Variants in PPP1R9A observed in about 807,000 individuals in gnomAD.
PPP1R9A encodes the protein neurabin-1.
PPP1R9A carries 59 observed loss-of-function variants against 141.9 expected under a neutral mutation model. That is an observed-to-expected ratio of 0.42 (90% CI 0.34 to 0.52). PPP1R9A has a LOEUF of 0.52. Ranked by LOEUF, PPP1R9A falls within the 20% of genes least tolerant of loss-of-function variation. The pLI, the probability that PPP1R9A is intolerant of heterozygous loss-of-function variation, is 0.10. For synonymous variants in PPP1R9A, 500 were observed against 569.7 expected, an observed-to-expected ratio of 0.88 and a Z score of 1.74; for missense variants, 1,444 against 1,611.9, an observed-to-expected ratio of 0.90 and a Z score of 1.78.
At chr7:94,985,053 A>C (rs1419369582) in intron 2 of PPP1R9A, among the ~76,000 whole-genome samples, 2 of 152,136 alleles carry the variant, frequency 1.3e-5, no homozygotes, top group African/African-American at 4.8e-5. Context: ...CATTGGTTTC[A>C]AAGTACATCT....
At chr7:95,071,713 G>A (rs1177817808) in intron 2 of PPP1R9A, among the ~76,000 whole-genome samples, 1 of 151,714 alleles carries the variant, frequency 6.6e-6, no homozygotes, top group Non-Finnish European at 1.5e-5. Flanking sequence ...ATTTAAATCT[G>A]TATTATTTAA....
chr7:94,998,704 A>G (rs192120332), intron 2 of PPP1R9A, among the ~76,000 whole-genome samples: 5 of 152,298 alleles, frequency 3.3e-5, no homozygotes, highest in East Asian at 3.9e-4. Flanking sequence ...ACTTCAGTAT[A>G]TAAGATTTCT....
chr7:95,114,806 T>A (rs1325341614), intron 3 of PPP1R9A, among the ~76,000 whole-genome samples: 1 of 151,434 alleles, frequency 6.6e-6, no homozygotes, highest in Non-Finnish European at 1.5e-5. Flanking sequence ...CATAATACAT[T>A]CCTAGGTAGA....
At chr7:95,101,087 C>T (rs1584690207) in intron 2 of PPP1R9A, among the ~76,000 whole-genome samples, 1 of 151,734 alleles carries the variant, frequency 6.6e-6, no homozygotes, top group Non-Finnish European at 1.5e-5. Context: ...CTCCTGACCT[C>T]GTGATCCGCC....
At chr7:95,078,488 A>C (rs1191672220) in intron 2 of PPP1R9A, among the ~76,000 whole-genome samples, 2 of 151,946 alleles carry the variant, frequency 1.3e-5, no homozygotes, top group East Asian at 3.9e-4. Flanking sequence ...TCCTTTGGGT[A>C]TATACCCAGT....
At chr7:95,247,839 C>T (rs1378973651) in intron 9 of PPP1R9A, among the ~76,000 whole-genome samples, 1 of 152,036 alleles carries the variant, frequency 6.6e-6, no homozygotes, top group East Asian at 1.9e-4. Context: ...TTACTAATTC[C>T]TTAAGCAAAG....
At position 95,070,584 on chromosome 7, in the gene PPP1R9A, AAATCTCTGGTATATATATAT is replaced by A. The variant is rs1390153723; in HGVS notation, c.1396-40673_1396-40654del. On this transcript the variant is annotated intron_variant, in intron 2 of 19. Transcript: ENST00000433360. Reference sequence around the variant, plus strand: ...AAAATTTAAATTTCAATTATTTTTTAAATCTCTGGTATATATATATATATATACACACACACACACATATA... The same window carrying A: ...AAAATTTAAATTTCAATTATTTTTTAATATATACACACACACACACATATA... Among the ~76,000 whole-genome samples, 222 of 82,904 alleles carry A rather than the reference AAATCTCTGGTATATATATAT, an allele frequency of 2.7e-3. 3 individuals are homozygous for A. The highest frequency in any genetic ancestry group is 0.013 in the Middle Eastern group (2 of 152). The allele number at this position is 82,904 out of a possible 152,430, so 54.4% of individuals were successfully genotyped here.
At chr7:95,239,379 CAT>C (rs1797135470) in intron 8 of PPP1R9A, among the ~76,000 whole-genome samples, 3 of 152,132 alleles carry the variant, frequency 2.0e-5, no homozygotes, top group Admixed American at 1.3e-4. Flanking sequence ...CTATTTTTAA[CAT>C]AAACATAATT....
At chr7:95,180,606 G>A (rs938598028) in intron 5 of PPP1R9A, among the ~76,000 whole-genome samples, 2 of 152,014 alleles carry the variant, frequency 1.3e-5, no homozygotes, top group Non-Finnish European at 2.9e-5. Flanking sequence ...CAGAGTGGGA[G>A]AAAATCTTTG....
chr7:95,269,415 C>T lies in PPP1R9A; in HGVS notation c.3032C>T (p.Thr1011Ile). The T allele has an allele frequency of 6.3e-7, 1 of 1,594,754 alleles. No homozygotes were observed. Among genetic ancestry groups the T allele is most frequent in the Non-Finnish European group, 8.5e-7 (1 of 1,175,824 alleles). Residue 1011 changes from threonine (T) to isoleucine (I), a missense_variant, in exon 14 of 20, where the codon ACT (threonine) becomes ATT (isoleucine). Around this residue, in one of 5 missense-constraint regions of PPP1R9A, gnomAD observed 459 missense variants for 513.8 expected, o/e 0.89. Coordinates refer to ENST00000433360, the MANE Select transcript of PPP1R9A (RefSeq NM_001166160.2). ...CCTCTCTCCTCTATGTGGGGAGACA[C>T]TTCACTGTTTTCTACTTCAAAGTCT... Reference protein sequence around the residue: ...MGPLSSMWGDTSLFSTSKSDH... With the variant: ...MGPLSSMWGDISLFSTSKSDH...
chr7:95,032,277 T>C (rs1807796247), intron 2 of PPP1R9A, among the ~76,000 whole-genome samples: 1 of 152,184 alleles, frequency 6.6e-6, no homozygotes, highest in South Asian at 2.1e-4. Context: ...TGCAGGTTCA[T>C]GGACGATTTC....
intron 2 of PPP1R9A, among the ~76,000 whole-genome samples, chr7:94,986,607 A>C (rs1584127880): frequency 6.6e-6 from 1 of 152,206 alleles, no homozygotes. Flanking sequence ...AAAAGCTAGA[A>C]GATTTTGAAT....
In PPP1R9A at chr7:95,295,836, T is replaced by G. The variant is rs1211069584; in HGVS notation, c.*5533T>G. 1 of 152,660 alleles carries G rather than the reference T, an allele frequency of 6.6e-6. No homozygotes were observed. Among genetic ancestry groups the G allele is most frequent in the Non-Finnish European group, 1.5e-5 (1 of 68,046 alleles). The allele number at this position is 152,660 out of a possible 1,614,324, so 9.5% of individuals were successfully genotyped here. Reference sequence around the variant, plus strand: ...AACATGAAATTTAGTTAGTGCTTAGTGAAATTCCTTAAATATATATGTATA... The same window carrying G: ...AACATGAAATTTAGTTAGTGCTTAGGGAAATTCCTTAAATATATATGTATA... On this transcript the variant is annotated 3_prime_UTR_variant, in exon 20 of 20. Transcript: ENST00000433360.
At chr7:95,067,234 G>T (rs997228838) in intron 2 of PPP1R9A, among the ~76,000 whole-genome samples, 1 of 152,152 alleles carries the variant, frequency 6.6e-6, no homozygotes, top group Non-Finnish European at 1.5e-5. Context: ...AGGAAAATGT[G>T]GAATCCAGGA....
intron 12 of PPP1R9A, among the ~76,000 whole-genome samples, chr7:95,254,059 A>G (rs1585479755): frequency 6.6e-6 from 1 of 152,246 alleles, no homozygotes; most frequent in African/African-American, 2.4e-5. Flanking sequence ...CTTACATTTC[A>G]TCTGAACCCT....
intron 2 of PPP1R9A, among the ~76,000 whole-genome samples, chr7:95,062,006 C>G (rs528464297): frequency 6.6e-6 from 1 of 152,254 alleles, no homozygotes; most frequent in East Asian, 1.9e-4. Context: ...TAAATTAAAC[C>G]ACTCAGGCAG....
At chr7:95,256,033 T>C (rs1799536277) in intron 12 of PPP1R9A, among the ~76,000 whole-genome samples, 1 of 152,104 alleles carries the variant, frequency 6.6e-6, no homozygotes, top group Non-Finnish European at 1.5e-5. Flanking sequence ...ACCAGTTAGG[T>C]AATACTGCAT....
At chr7:95,204,214 C>A (rs1585228868) in intron 7 of PPP1R9A, among the ~76,000 whole-genome samples, 1 of 151,874 alleles carries the variant, frequency 6.6e-6, no homozygotes, top group East Asian at 1.9e-4. Flanking sequence ...GTAGACATAT[C>A]AAAATATCTA....
intron 5 of PPP1R9A, among the ~76,000 whole-genome samples, chr7:95,184,597 A>G (rs1352816407): frequency 6.6e-6 from 1 of 152,154 alleles, no homozygotes; most frequent in Non-Finnish European, 1.5e-5. Flanking sequence ...CCCAATGTGT[A>G]GTCTGTTATC....
Sources: gnomAD v4.1 joint callset for allele counts (sites outside exome capture counted in the v4.1 genomes callset) on GRCh38, gnomAD v4.1.1 for gene constraint, gnomAD v4.1.1 regional missense constraint, MANE v1.5 for transcripts, NCBI Gene and HGNC (gene_info 2026-07-23, HGNC 2026-07-21) for gene names.